Variants in PTPRT observed in about 807,000 individuals in gnomAD.
PTPRT encodes protein tyrosine phosphatase receptor type T, also known as receptor-type tyrosine-protein phosphatase T.
PTPRT carries 56 observed loss-of-function variants against 176.8 expected under a neutral mutation model. The observed-to-expected ratio is 0.32, with a 90% CI of 0.26 to 0.40. The LOEUF (loss-of-function observed/expected upper bound fraction) is 0.40. Among genes scored for constraint, PTPRT ranks in the 10% least tolerant of loss-of-function variants. The probability of loss-of-function intolerance (pLI) is 1.00; values close to 1 mark genes in which losing one functional copy is unlikely to be tolerated. For missense variants in PTPRT, 1,540 were observed against 1,908.2 expected, an observed-to-expected ratio of 0.81 and a Z score of 3.60; for synonymous variants, 783 against 739.0, an observed-to-expected ratio of 1.06 and a Z score of -0.96.
chr20:43,011,597 G>A (rs1410629405), intron 1 of PTPRT, among the ~76,000 whole-genome samples: 3 of 152,186 alleles, frequency 2.0e-5, no homozygotes, highest in Non-Finnish European at 4.4e-5. Context: ...AAAATGAGAG[G>A]AAGCTGGCAG....
chr20:42,772,533 G>A (rs2077077904), intron 4 of PTPRT, among the ~76,000 whole-genome samples: 1 of 152,106 alleles, frequency 6.6e-6, no homozygotes, highest in Non-Finnish European at 1.5e-5. Context: ...CCTTTTTTGT[G>A]GAGAAGGGTC....
At chr20:42,708,541 C>T (rs1478604394) in intron 6 of PTPRT, among the ~76,000 whole-genome samples, 1 of 152,180 alleles carries the variant, frequency 6.6e-6, no homozygotes, top group Non-Finnish European at 1.5e-5. Context: ...GAAACATAGA[C>T]ACCGTATACT....
chr20:43,151,528 T>C (rs890490118), intron 1 of PTPRT, among the ~76,000 whole-genome samples: 2 of 152,034 alleles, frequency 1.3e-5, no homozygotes, highest in Admixed American at 1.3e-4. Context: ...TAGCCTTACT[T>C]TTCTAGTTAC....
rs2077073004 is a variant in PTPRT at position 42,772,202 on chromosome 20, T to C, written c.569-652A>G. ...AGGAAAGCACTAGTAGCTGTCATTC[T>C]TAGCGCTTGCCATTTGATAAGTACC... On this transcript the variant is annotated intron_variant, in intron 4 of 30. Transcript: ENST00000373187. Among the ~76,000 whole-genome samples, 5 of 152,224 alleles carry C rather than the reference T, an allele frequency of 3.3e-5. No individual in the cohort carries two copies. The South Asian group carries it at 1.0e-3, about 32-fold the overall frequency.
At chr20:42,901,732 C>T (rs570130422) in intron 1 of PTPRT, among the ~76,000 whole-genome samples, 34 of 152,294 alleles carry the variant, frequency 2.2e-4, no homozygotes, top group South Asian at 1.7e-3. Flanking sequence ...GGGTGTCACT[C>T]CTCCTGCCCC....
chr20:42,389,592 C>G (rs962121525), intron 9 of PTPRT, among the ~76,000 whole-genome samples: 3 of 152,082 alleles, frequency 2.0e-5, no homozygotes, highest in African/African-American at 4.8e-5. Flanking sequence ...TCTCAGGCCT[C>G]TAATCCCAGA....
intron 7 of PTPRT, among the ~76,000 whole-genome samples, chr20:42,589,983 G>A (rs536106355): frequency 3.5e-4 from 54 of 152,206 alleles, no homozygotes; most frequent in African/African-American, 9.4e-4. Flanking sequence ...TGGGACCTGC[G>A]TGGACCTTTG....
intron 7 of PTPRT, among the ~76,000 whole-genome samples, chr20:42,533,943 G>A (rs926975749): frequency 2.0e-5 from 3 of 152,128 alleles, no homozygotes; most frequent in Non-Finnish European, 4.4e-5. Context: ...TCTCATACAC[G>A]CTACCACTCT....
intron 15 of PTPRT, 155 bp from the exon 16 acceptor site, chr20:42,199,543 T>C (rs1179373959): frequency 2.4e-5 from 20 of 847,198 alleles, no homozygotes; most frequent in Non-Finnish European, 3.6e-5. Context: ...CCATGAATGG[T>C]TTCCATTTAC....
intron 1 of PTPRT, among the ~76,000 whole-genome samples, chr20:43,053,797 C>T (rs1987136372): frequency 6.6e-6 from 1 of 152,162 alleles, no homozygotes; most frequent in African/African-American, 2.4e-5. Flanking sequence ...GCTATAACCC[C>T]ATGAACTAGC....
intron 9 of PTPRT, among the ~76,000 whole-genome samples, chr20:42,366,703 C>T (rs1324411072): frequency 1.3e-5 from 2 of 152,248 alleles, no homozygotes; most frequent in African/African-American, 4.8e-5. Context: ...AGAACATGAG[C>T]ACTGGAGTCA....
At chr20:42,896,898 G>C (rs760910529) in intron 1 of PTPRT, among the ~76,000 whole-genome samples, 6 of 152,304 alleles carry the variant, frequency 3.9e-5, no homozygotes, top group Middle Eastern at 3.4e-3. Context: ...GTGGGTAGCT[G>C]ATTCTTGCCC....
chr20:42,481,017 G>A (rs1329555837), intron 7 of PTPRT, among the ~76,000 whole-genome samples: 2 of 149,588 alleles, frequency 1.3e-5, no homozygotes, highest in South Asian at 2.1e-4. Context: ...TAAGGCAGAA[G>A]TAGGTGAGCT....
At chr20:42,066,932 A>G in the PTPRT span, among the ~76,000 whole-genome samples, 2 of 152,180 alleles carry the variant, frequency 1.3e-5, no homozygotes, top group Non-Finnish European at 2.9e-5. Context: ...GTTTTTCTGC[A>G]TCTGTGGAGA....
At chr20:42,764,333 A>G (rs957794102) in intron 5 of PTPRT, among the ~76,000 whole-genome samples, 8 of 152,174 alleles carry the variant, frequency 5.3e-5, no homozygotes, top group African/African-American at 1.9e-4. Context: ...TAAGAGAATT[A>G]AGAAGGCAAC....
chr20:43,059,984 G>A (rs866280697), intron 1 of PTPRT, among the ~76,000 whole-genome samples: 6 of 149,586 alleles, frequency 4.0e-5, no homozygotes, highest in South Asian at 2.1e-4. Context: ...GACAGAGTGA[G>A]ACTTTGTCTA....
chr20:42,912,827 A>C (rs1022805239), intron 1 of PTPRT, among the ~76,000 whole-genome samples: 3 of 152,230 alleles, frequency 2.0e-5, no homozygotes, highest in Non-Finnish European at 4.4e-5. Context: ...TTATAAATAC[A>C]TGGCTCTATT....
chr20:42,574,281 A>G (rs2073218235), intron 7 of PTPRT, among the ~76,000 whole-genome samples: 1 of 152,144 alleles, frequency 6.6e-6, no homozygotes, highest in South Asian at 2.1e-4. Flanking sequence ...AGTTTGCACT[A>G]TTTCAATCAT....
intron 2 of PTPRT, among the ~76,000 whole-genome samples, chr20:42,827,094 T>C (rs1190995912): frequency 1.3e-5 from 2 of 152,120 alleles, no homozygotes; most frequent in African/African-American, 4.8e-5. Flanking sequence ...AGATTTCAAG[T>C]TCCACACAAT....
Sources: allele counts gnomAD v4.1 joint callset (sites outside exome capture counted in the v4.1 genomes callset), GRCh38; gene constraint gnomAD v4.1.1; transcripts MANE v1.5; gene names NCBI Gene and HGNC (gene_info 2026-07-23, HGNC 2026-07-21).